Variants in POLR3H observed in about 807,000 individuals in gnomAD.
POLR3H encodes the protein RNA polymerase III subunit H, also known as DNA-directed RNA polymerase III subunit RPC8.
Under a neutral mutation model 25.5 loss-of-function variants are expected in POLR3H, and 17 were observed. That is an observed-to-expected ratio of 0.67 (90% confidence interval 0.46 to 1.00). POLR3H has a LOEUF of 1.00. Ranked by LOEUF, POLR3H falls within the 50% of genes least tolerant of loss-of-function variation. The probability of loss-of-function intolerance (pLI) is 0.00; values close to 1 mark genes in which losing one functional copy is unlikely to be tolerated. For synonymous variants in POLR3H, 129 were observed against 103.0 expected, an observed-to-expected ratio of 1.25 and a Z score of -1.53; for missense variants, 274 against 265.0, an observed-to-expected ratio of 1.03 and a Z score of -0.24.
chr22:41,526,447 C>G lies in POLR3H; in HGVS notation c.*2836G>C. On this transcript the variant is annotated 3_prime_UTR_variant, in exon 6 of 6. Coordinates refer to ENST00000355209, the MANE Select transcript of POLR3H (RefSeq NM_001018050.4). ...GCCCCGTCCCTGACACTGCCCGCTA[C>G]TACAAGGTGGGTCAGAGTTGATAGG... is the stretch of plus-strand genomic sequence containing the variant. The G allele has an allele frequency of 6.2e-7, 1 of 1,611,634 alleles. No individual in the cohort carries two copies. Among genetic ancestry groups the G allele is most frequent in the Non-Finnish European group, 8.5e-7 (1 of 1,178,428 alleles).
At chr22:41,530,628 A>G in intron 5 of POLR3H, 59 bp downstream of exon 5, 1 of 1,485,502 alleles carries the variant, frequency 6.7e-7, no homozygotes, top group Non-Finnish European at 9.1e-7. Flanking sequence ...CACAGCTTCC[A>G]GCCCTGCACT....
chr22:41,528,224 C>T lies in POLR3H; in HGVS notation c.*1059G>A. On this transcript the variant is annotated 3_prime_UTR_variant, in exon 6 of 6. Coordinates refer to ENST00000355209, the MANE Select transcript of POLR3H (RefSeq NM_001018050.4). ...AGTCAACCCGGGGCCCTCACACCTC[C>T]CCAACCTCCCTTTACTCACCAGGAC... 1 of 861,850 alleles carries T rather than the reference C, an allele frequency of 1.2e-6. No individual in the cohort carries two copies. The highest frequency in any genetic ancestry group is 1.7e-6 in the Non-Finnish European group (1 of 573,318). The allele number at this position is 861,850 out of a possible 1,614,324, so 53.4% of individuals were successfully genotyped here. A position where few individuals can be genotyped will look rare whatever the true frequency, so the allele number is the denominator to read the frequency against.
chr22:41,527,731 C>A lies in POLR3H; in HGVS notation c.*1552G>T. ...AGACCTCAGCACCAGCGCACACTTG[C>A]TAGGGGCACCCCTAGTGAAAGGGAG... On this transcript the variant is annotated 3_prime_UTR_variant, in exon 6 of 6. Transcript: ENST00000355209. 1 of 1,138,078 alleles carries A rather than the reference C, an allele frequency of 8.8e-7. No individual in the cohort carries two copies. Among genetic ancestry groups the A allele is most frequent in the Non-Finnish European group, 1.2e-6 (1 of 813,694 alleles). 70.5% of individuals were successfully genotyped at this position (1,138,078 alleles called of 1,614,324 possible).
chr22:41,536,399 A>T (rs1320274403), intron 2 of POLR3H, among the ~76,000 whole-genome samples: 2 of 151,836 alleles, frequency 1.3e-5, no homozygotes, highest in Non-Finnish European at 2.9e-5. Context: ...CATCTTAAAA[A>T]AAATGAAAGT....
chr22:41,542,791 T>C (rs997836494), intron 1 of POLR3H, among the ~76,000 whole-genome samples: 3 of 151,876 alleles, frequency 2.0e-5, no homozygotes, highest in African/African-American at 7.3e-5. Context: ...TCACCTGAGG[T>C]CAGAAGTTTG....
At position 41,527,603 on chromosome 22, in the gene POLR3H, C is replaced by T; in HGVS notation, c.*1680G>A. 5 of 906,252 alleles carry T rather than the reference C, an allele frequency of 5.5e-6. No homozygotes were observed. Among genetic ancestry groups the T allele is most frequent in the Admixed American group, 2.9e-5 (1 of 34,494 alleles). 56.1% of individuals were successfully genotyped at this position (906,252 alleles called of 1,614,324 possible). On this transcript the variant is annotated 3_prime_UTR_variant, in exon 6 of 6. Coordinates refer to ENST00000355209, the MANE Select transcript of POLR3H (RefSeq NM_001018050.4). ...CATCCGACGCTCAGCTTCCCGGCTTCCCGCAGGCCCTGCTTCCAGGCTTGT... is the reference window on the plus strand; with the variant it reads ...CATCCGACGCTCAGCTTCCCGGCTTTCCGCAGGCCCTGCTTCCAGGCTTGT...
chr22:41,530,648 C>T (rs1446709656), intron 5 of POLR3H, 39 bp downstream of exon 5: 2 of 1,569,590 alleles, frequency 1.3e-6, no homozygotes, highest in African/African-American at 2.7e-5. Context: ...TCCGGCTCTC[C>T]CGCCTCATGG....
intron 3 of POLR3H, 103 bp downstream of exon 3, chr22:41,532,556 C>T (rs775444021): frequency 7.5e-6 from 12 of 1,589,606 alleles, no homozygotes; most frequent in Non-Finnish European, 1.0e-5. Context: ...GGGGAAGGTT[C>T]GGCCTCGACA....
chr22:41,535,924 T>C (rs1037099365), intron 2 of POLR3H, among the ~76,000 whole-genome samples: 1 of 151,738 alleles, frequency 6.6e-6, no homozygotes, highest in African/African-American at 2.4e-5. Flanking sequence ...GAGCCGAGAC[T>C]GCACCACTGC....
intron 2 of POLR3H, chr22:41,533,716 A>G: frequency 7.7e-7 from 1 of 1,304,108 alleles, no homozygotes; most frequent in East Asian, 5.5e-5. Context: ...GAGCCATCAC[A>G]GCCACCATGA....
At chr22:41,543,922 G>A (rs1288776607) in intron 1 of POLR3H, 69 bp downstream of exon 1, 1 of 1,127,012 alleles carries the variant, frequency 8.9e-7, no homozygotes, top group South Asian at 1.3e-5. Flanking sequence ...ACCGAGGCCG[G>A]GCCTGCGGCC....
rs150318056 is a variant in POLR3H at position 41,527,403 on chromosome 22, G to A, written c.*1880C>T. On this transcript the variant is annotated 3_prime_UTR_variant, in exon 6 of 6. Coordinates refer to ENST00000355209, the MANE Select transcript of POLR3H (RefSeq NM_001018050.4). ...GGGGGCCGGGCCATCATCACCAAGA[G>A]CTTTGCCAGGATCCACGGTGAGCTG... is the stretch of plus-strand genomic sequence containing the variant. 4 of 1,612,512 alleles carry A rather than the reference G, an allele frequency of 2.5e-6. No individual in the cohort carries two copies. The highest frequency in any genetic ancestry group is 3.4e-6 in the Non-Finnish European group (4 of 1,179,552).
In POLR3H at chr22:41,541,164, T is replaced by C. The variant is rs563313967; in HGVS notation, c.112-369A>G. Among the ~76,000 whole-genome samples the C allele has an allele frequency of 4.6e-5, 7 of 152,346 alleles. No homozygotes were observed. The South Asian group carries it at 1.4e-3, about 32-fold the overall frequency. On this transcript the variant is annotated intron_variant, in intron 1 of 5. Transcript: ENST00000355209. ...AACAGATGTGAAGCCCCTAGCCTTG[T>C]ACCTGGCTCGTGTATTGGAAACCAT...
At chr22:41,541,535 C>G (rs2066929287) in intron 1 of POLR3H, among the ~76,000 whole-genome samples, 1 of 152,150 alleles carries the variant, frequency 6.6e-6, no homozygotes. Flanking sequence ...CAAGAATTAG[C>G]AAGAAGCTCA....
chr22:41,542,729 A>G (rs78200662), intron 1 of POLR3H, among the ~76,000 whole-genome samples: 1,797 of 152,250 alleles, frequency 0.012, 39 homozygotes, highest in African/African-American at 0.041. Context: ...ATGGCCGGGC[A>G]CGGTGGCTCA....
chr22:41,540,459 C>T (rs1041365291), intron 2 of POLR3H: 1 of 526,020 alleles, frequency 1.9e-6, no homozygotes, highest in Non-Finnish European at 3.5e-6. Context: ...CCAGGACTCC[C>T]ACCACCCTCT....
At chr22:41,536,475 C>T (rs961960416) in intron 2 of POLR3H, among the ~76,000 whole-genome samples, 1 of 151,298 alleles carries the variant, frequency 6.6e-6, no homozygotes, top group Non-Finnish European at 1.5e-5. Flanking sequence ...CTGACTTACA[C>T]ACTTAAAATG....
intron 5 of POLR3H, among the ~76,000 whole-genome samples, chr22:41,530,053 G>A (rs2066696605): frequency 6.6e-6 from 1 of 151,568 alleles, no homozygotes; most frequent in South Asian, 2.1e-4. Context: ...CTGTGCCCCA[G>A]CAGCCCTACC....
At position 41,527,746 on chromosome 22, in the gene POLR3H, G is replaced by C. The variant is rs1275313920; in HGVS notation, c.*1537C>G. 3.2e-5 allele frequency: 41 copies of C among 1,282,070 alleles called. No homozygotes were observed. Among genetic ancestry groups the C allele is most frequent in the Non-Finnish European group, 3.8e-5 (36 of 937,482 alleles). 79.4% of individuals were successfully genotyped at this position (1,282,070 alleles called of 1,614,324 possible). ...CGCACACTTGCTAGGGGCACCCCTA[G>C]TGAAAGGGAGCAGACCAGGGCCCCA... On this transcript the variant is annotated 3_prime_UTR_variant, in exon 6 of 6. Coordinates refer to ENST00000355209, the MANE Select transcript of POLR3H (RefSeq NM_001018050.4).
Sources: allele counts gnomAD v4.1 joint callset (sites outside exome capture counted in the v4.1 genomes callset), GRCh38; gene constraint gnomAD v4.1.1; transcripts MANE v1.5; gene names NCBI Gene and HGNC (gene_info 2026-07-23, HGNC 2026-07-21).